The following DOK6 variants were observed in gnomAD, a reference collection of about 807,000 sequenced individuals.
DOK6 encodes the protein downstream of tyrosine kinase 6.
DOK6 carries 22 observed loss-of-function variants against 44.0 expected under a neutral mutation model. The ratio of observed to expected loss-of-function variants is 0.50; its 90% CI spans 0.36 to 0.71. DOK6 has a LOEUF of 0.71. Ranked by LOEUF, DOK6 falls within the 30% of genes least tolerant of loss-of-function variation. The pLI is 0.00. For synonymous variants in DOK6, 166 were observed against 145.5 expected, an observed-to-expected ratio of 1.14 and a Z score of -1.01; for missense variants, 340 against 416.4, an observed-to-expected ratio of 0.82 and a Z score of 1.60.
intron 1 of DOK6, among the ~76,000 whole-genome samples, chr18:69,514,365 G>A (rs1297291275): frequency 1.3e-5 from 2 of 152,082 alleles, no homozygotes; most frequent in African/African-American, 2.4e-5. Context: ...CTTGCCTGAC[G>A]TACTATATCG....
At chr18:69,694,058 C>CAAAAAAAAAAAAAAAAAAAA (rs60662789) in intron 4 of DOK6, among the ~76,000 whole-genome samples, 6 of 62,004 alleles carry the variant, frequency 9.7e-5, no homozygotes, top group Admixed American at 9.6e-4. Flanking sequence ...GACTCCGTGT[C>CAAAAAAAAAAAAAAAAAAAA]AAAAAAAAAA....
intron 1 of DOK6, among the ~76,000 whole-genome samples, chr18:69,480,533 C>T (rs2144529894): frequency 6.6e-6 from 1 of 152,252 alleles, no homozygotes; most frequent in East Asian, 1.9e-4. Context: ...GTAGTCTCTT[C>T]TGTAATTAAT....
chr18:69,827,563 A>G (rs1369495305), intron 7 of DOK6, among the ~76,000 whole-genome samples: 5 of 152,080 alleles, frequency 3.3e-5, no homozygotes, highest in Admixed American at 1.3e-4. Flanking sequence ...TCAGATCTTT[A>G]TCAAGTTAAG....
intron 2 of DOK6, among the ~76,000 whole-genome samples, chr18:69,573,875 A>G (rs1983177044): frequency 6.6e-6 from 1 of 151,942 alleles, no homozygotes; most frequent in Admixed American, 6.6e-5. Context: ...TTATCATTCA[A>G]ATGTGATCTA....
At chr18:69,481,531 G>A (rs1980421814) in intron 1 of DOK6, among the ~76,000 whole-genome samples, 1 of 152,080 alleles carries the variant, frequency 6.6e-6, no homozygotes, top group African/African-American at 2.4e-5. Context: ...CTTCATCCGT[G>A]TCCCTACAAA....
At chr18:69,492,791 CAAATTTTCTTT>C in intron 1 of DOK6, among the ~76,000 whole-genome samples, 1 of 94,570 alleles carries the variant, frequency 1.1e-5, no homozygotes, top group Non-Finnish European at 2.8e-5. Context: ...GTATATGTAC[CAAATTTTCTTT>C]ACCCAGTCCA....
At chr18:69,475,127 A>G (rs1230528545) in intron 1 of DOK6, among the ~76,000 whole-genome samples, 2 of 152,204 alleles carry the variant, frequency 1.3e-5, no homozygotes, top group Non-Finnish European at 2.9e-5. Flanking sequence ...AATACCAGTT[A>G]TATATTTTAG....
chr18:69,497,315 G>T (rs191645980), intron 1 of DOK6, among the ~76,000 whole-genome samples: 1 of 152,144 alleles, frequency 6.6e-6, no homozygotes, highest in African/African-American at 2.4e-5. Flanking sequence ...AGAAGCTAAA[G>T]GGTCAGACTA....
chr18:69,754,161 G>A (rs918398428), intron 6 of DOK6, among the ~76,000 whole-genome samples: 1 of 151,914 alleles, frequency 6.6e-6, no homozygotes, highest in Non-Finnish European at 1.5e-5. Context: ...TTAAGGATGA[G>A]TTTTAATTAA....
intron 4 of DOK6, among the ~76,000 whole-genome samples, chr18:69,685,557 A>C (rs4296345): frequency 6.6e-6 from 1 of 152,168 alleles, no homozygotes; most frequent in African/African-American, 2.4e-5. Flanking sequence ...TTGGGTGCAC[A>C]TTAAACAAGG....
At chr18:69,553,113 C>T (rs1007725650) in intron 1 of DOK6, among the ~76,000 whole-genome samples, 7 of 152,204 alleles carry the variant, frequency 4.6e-5, no homozygotes, top group Non-Finnish European at 7.3e-5. Context: ...ATTTCTTCAT[C>T]TCTATTCACC....
intron 6 of DOK6, among the ~76,000 whole-genome samples, chr18:69,752,899 C>A (rs901575967): frequency 2.0e-5 from 3 of 152,138 alleles, no homozygotes; most frequent in Non-Finnish European, 4.4e-5. Flanking sequence ...GTTAGCAACT[C>A]CCCATCTTAT....
intron 6 of DOK6, among the ~76,000 whole-genome samples, chr18:69,747,284 G>A (rs537576926): frequency 7.2e-5 from 11 of 152,286 alleles, no homozygotes; most frequent in Non-Finnish European, 1.3e-4. Context: ...GAGAGATAAA[G>A]AGCAAAAGGA....
At chr18:69,785,008 A>G (rs951651354) in intron 7 of DOK6, among the ~76,000 whole-genome samples, 1 of 152,202 alleles carries the variant, frequency 6.6e-6, no homozygotes, top group African/African-American at 2.4e-5. Context: ...CTCATGCTAT[A>G]TGCTATAATT....
intron 3 of DOK6, among the ~76,000 whole-genome samples, chr18:69,669,133 A>G (rs1467395143): frequency 6.6e-6 from 1 of 151,864 alleles, no homozygotes; most frequent in Non-Finnish European, 1.5e-5. Context: ...TTCAACTTTT[A>G]TTTTAGGTTC....
chr18:69,639,463 C>T (rs907815706), intron 3 of DOK6, among the ~76,000 whole-genome samples: 1 of 152,176 alleles, frequency 6.6e-6, no homozygotes, highest in African/African-American at 2.4e-5. Flanking sequence ...TGGGTCCTCA[C>T]CTGCCTTCTC....
chr18:69,450,535 G>A (rs1319801724), intron 1 of DOK6, among the ~76,000 whole-genome samples: 1 of 135,998 alleles, frequency 7.4e-6, no homozygotes, highest in Admixed American at 7.7e-5. Flanking sequence ...GCAGGCCAAC[G>A]TTCAGATTCA....
At chr18:69,738,844 C>T in intron 5 of DOK6, 121 bp from the exon 6 acceptor site, 1 of 1,251,750 alleles carries the variant, frequency 8.0e-7, no homozygotes, top group Non-Finnish European at 1.1e-6. Context: ...GAATCAGCCT[C>T]ACTAACTCCT....
At chr18:69,723,332 A>G (rs764573305) in intron 5 of DOK6, among the ~76,000 whole-genome samples, 3 of 152,206 alleles carry the variant, frequency 2.0e-5, no homozygotes, top group African/African-American at 4.8e-5. Flanking sequence ...GTGAAATAGC[A>G]AAGTGTTTTT....
Sources: gnomAD v4.1 joint callset for allele counts (sites outside exome capture counted in the v4.1 genomes callset) on GRCh38, gnomAD v4.1.1 for gene constraint, MANE v1.5 for transcripts, NCBI Gene and HGNC (gene_info 2026-07-23, HGNC 2026-07-21) for gene names.